GABRA1: variants seen among roughly 807,000 people sequenced by gnomAD.
GABRA1 encodes gamma-aminobutyric acid receptor subunit alpha-1.
GABRA1 carries 9 observed loss-of-function variants against 48.9 expected under a neutral mutation model. That is an observed-to-expected ratio of 0.18 (90% CI 0.11 to 0.32). The LOEUF (loss-of-function observed/expected upper bound fraction) is 0.32, where lower values mean the gene tolerates loss of function less well. Ranked by LOEUF, GABRA1 falls within the 10% of genes least tolerant of loss-of-function variation. The probability of loss-of-function intolerance (pLI) is 1.00; values close to 1 mark genes in which losing one functional copy is unlikely to be tolerated. For missense variants in GABRA1, 285 were observed against 553.8 expected (o/e 0.51, Z 4.87); for synonymous variants, 210 against 198.7 (o/e 1.06, Z -0.48).
At chr5:161,870,096 C>T (rs1219582604) in intron 4 of GABRA1, among the ~76,000 whole-genome samples, 1 of 152,150 alleles carries the variant, frequency 6.6e-6, no homozygotes, top group Non-Finnish European at 1.5e-5. Context: ...AGTCTCAACT[C>T]ACTTCTCACG....
In GABRA1 at chr5:161,850,791, T is replaced by G. The variant is rs1757413235; in HGVS notation, c.-15-5T>G. On this transcript the variant is annotated splice_polypyrimidine_tract_variant and splice_region_variant and intron_variant, in intron 1 of 9. Transcript: ENST00000393943. ...ACATTGATCTCTACTTATTCTACTT[T>G]TCAGCTGCTCCAGCCCGCGATGAGG... 6.2e-7 allele frequency: 1 copy of G among 1,613,300 alleles called. No homozygotes were observed.
At chr5:161,889,327 A>G (rs1005893615) in intron 7 of GABRA1, among the ~76,000 whole-genome samples, 2 of 152,098 alleles carry the variant, frequency 1.3e-5, no homozygotes, top group African/African-American at 4.8e-5. Context: ...CTTCTTTATT[A>G]TCCCCATATT....
At chr5:161,862,138 C>G (rs1757886235) in intron 3 of GABRA1, among the ~76,000 whole-genome samples, 1 of 151,862 alleles carries the variant, frequency 6.6e-6, no homozygotes, top group Admixed American at 6.6e-5. Context: ...ACTATTCACA[C>G]AGCATCAGCT....
intron 7 of GABRA1, among the ~76,000 whole-genome samples, chr5:161,883,798 A>T (rs1754718570): frequency 6.6e-6 from 1 of 152,140 alleles, no homozygotes; most frequent in Admixed American, 6.6e-5. Flanking sequence ...ATTATTAGAC[A>T]AGTTCTGACT....
intron 3 of GABRA1, among the ~76,000 whole-genome samples, chr5:161,861,343 G>T (rs541296307): frequency 6.6e-6 from 1 of 151,902 alleles, no homozygotes; most frequent in Admixed American, 6.6e-5. Context: ...CTGACCAAAA[G>T]AAACCCATTG....
chr5:161,864,341 T>A (rs1386716497), intron 3 of GABRA1, among the ~76,000 whole-genome samples: 1 of 152,062 alleles, frequency 6.6e-6, no homozygotes, highest in Non-Finnish European at 1.5e-5. Context: ...CTCCCAATGC[T>A]ATCCCTCCAA....
At chr5:161,889,741 G>C (rs755450383) in intron 7 of GABRA1, among the ~76,000 whole-genome samples, 23 of 151,996 alleles carry the variant, frequency 1.5e-4, no homozygotes, top group Non-Finnish European at 3.1e-4. Context: ...AGGGGCAGCT[G>C]TTTGCTACTG....
chr5:161,869,323 C>G (rs1754008185), intron 4 of GABRA1, among the ~76,000 whole-genome samples: 1 of 152,140 alleles, frequency 6.6e-6, no homozygotes, highest in East Asian at 1.9e-4. Flanking sequence ...TTGTGCAAAC[C>G]TTTTAGCTAA....
intron 2 of GABRA1, among the ~76,000 whole-genome samples, chr5:161,852,306 T>A (rs1240256984): frequency 1.3e-5 from 2 of 152,064 alleles, no homozygotes; most frequent in East Asian, 3.9e-4. Context: ...AGGGTGTAGA[T>A]AAAGGTAATA....
chr5:161,885,876 TA>T (rs913401144), intron 7 of GABRA1, among the ~76,000 whole-genome samples: 3 of 152,140 alleles, frequency 2.0e-5, no homozygotes, highest in African/African-American at 7.2e-5. Flanking sequence ...ACGTAATCCT[TA>T]AATCACTTGT....
At chr5:161,870,608 AG>A (rs1175656286) in intron 4 of GABRA1, among the ~76,000 whole-genome samples, 8 of 131,578 alleles carry the variant, frequency 6.1e-5, no homozygotes, top group South Asian at 2.6e-4. Flanking sequence ...AAAGAAAGAA[AG>A]GAAGAAAGAA....
intron 8 of GABRA1, 109 bp from the exon 9 acceptor site, chr5:161,895,557 C>T: frequency 9.9e-7 from 1 of 1,005,332 alleles, no homozygotes; most frequent in Middle Eastern, 2.6e-4. Flanking sequence ...CTAGAAACCA[C>T]ATTCTGTCAT....
chr5:161,862,108 T>A (rs1328676213), intron 3 of GABRA1, among the ~76,000 whole-genome samples: 1 of 152,018 alleles, frequency 6.6e-6, no homozygotes, highest in African/African-American at 2.4e-5. Flanking sequence ...TTTTTTTTAT[T>A]ACAGTCACTC....
At chr5:161,885,144 G>A (rs1316798363) in intron 7 of GABRA1, among the ~76,000 whole-genome samples, 2 of 152,148 alleles carry the variant, frequency 1.3e-5, no homozygotes, top group Non-Finnish European at 2.9e-5. Context: ...GAAGAACAAT[G>A]AGCAAATTCT....
At chr5:161,849,964 A>T (rs1271162554) in intron 1 of GABRA1, 2 of 152,206 alleles carry the variant, frequency 1.3e-5, no homozygotes, top group African/African-American at 2.4e-5. Flanking sequence ...AGATCCCTTT[A>T]TTCATGCAAA....
At chr5:161,850,731 C>A in intron 1 of GABRA1, 65 bp from the exon 2 acceptor site, 2 of 1,337,950 alleles carry the variant, frequency 1.5e-6, no homozygotes, top group Non-Finnish European at 2.2e-6. Context: ...CCTCAGTCAG[C>A]CCTGGTGGTT....
At chr5:161,870,796 C>A (rs1019898841) in intron 4 of GABRA1, among the ~76,000 whole-genome samples, 1 of 152,158 alleles carries the variant, frequency 6.6e-6, no homozygotes, top group Non-Finnish European at 1.5e-5. Flanking sequence ...ACAGCAATCA[C>A]ACAGGGAGAG....
intron 3 of GABRA1, among the ~76,000 whole-genome samples, chr5:161,859,167 G>A (rs1294113491): frequency 6.6e-6 from 1 of 151,686 alleles, no homozygotes; most frequent in Non-Finnish European, 1.5e-5. Context: ...AATTAGAAGA[G>A]CGTTAGTAAC....
chr5:161,856,169 T>C (rs1757636684), intron 3 of GABRA1, among the ~76,000 whole-genome samples: 1 of 151,280 alleles, frequency 6.6e-6, no homozygotes. Flanking sequence ...TGGAGAGCCA[T>C]AGAACTTGAA....
Sources: allele counts gnomAD v4.1 joint callset (sites outside exome capture counted in the v4.1 genomes callset), GRCh38; gene constraint gnomAD v4.1.1; transcripts MANE v1.5; gene names NCBI Gene and HGNC (gene_info 2026-07-23, HGNC 2026-07-21).